The following LZTS1 variants were observed in gnomAD, a reference collection of about 807,000 sequenced individuals.
The protein encoded by LZTS1 is leucine zipper putative tumor suppressor 1.
In LZTS1, 31 loss-of-function variants were observed where a neutral mutation model predicts 45.8. The observed-to-expected ratio is 0.68, with a 90% CI of 0.51 to 0.91. The LOEUF is 0.91. Ranked by LOEUF, LZTS1 falls within the 40% of genes least tolerant of loss-of-function variation. LZTS1 has a pLI of 0.00. For synonymous variants in LZTS1, 359 were observed against 357.3 expected, an observed-to-expected ratio of 1.00 and a Z score of -0.05; for missense variants, 821 against 788.9, an observed-to-expected ratio of 1.04 and a Z score of -0.49.
chr8:20,290,217 C>T (rs543667101), intron 1 of LZTS1: 1 of 152,258 alleles, frequency 6.6e-6, no homozygotes, highest in Admixed American at 6.5e-5. Context: ...GTCATCTCAT[C>T]TCGGAAGCTA....
Position 20,247,881 on chromosome 8 carries a change from C to T in LZTS1, c.*1841G>A. ...ACGCTCCCCTCCTCATCTCAGCAGG[C>T]AGCAGGCGCAGGCATGTGGGAAGGG... is the stretch of plus-strand genomic sequence containing the variant. On this transcript the variant is annotated 3_prime_UTR_variant, in exon 4 of 4. Coordinates refer to ENST00000381569, the MANE Select transcript of LZTS1 (RefSeq NM_021020.5). The T allele has an allele frequency of 6.5e-6, 1 of 152,840 alleles. No homozygotes were observed. The highest frequency in any genetic ancestry group is 6.5e-5 in the Admixed American group (1 of 15,270). The allele number at this position is 152,840 out of a possible 1,614,324, so 9.5% of individuals were successfully genotyped here.
chr8:20,300,625 C>T (rs1019104109), intron 1 of LZTS1, among the ~76,000 whole-genome samples: 1 of 152,086 alleles, frequency 6.6e-6, no homozygotes, highest in African/African-American at 2.4e-5. Context: ...AGCCACAGCG[C>T]CCCGCCGCCA....
intron 3 of LZTS1, among the ~76,000 whole-genome samples, chr8:20,250,750 C>T (rs1439528756): frequency 6.6e-6 from 1 of 151,958 alleles, no homozygotes; most frequent in African/African-American, 2.4e-5. Context: ...AGACACCTGC[C>T]ACCATGCCTG....
At chr8:20,286,169 T>G (rs190211442) in intron 1 of LZTS1, among the ~76,000 whole-genome samples, 1 of 152,320 alleles carries the variant, frequency 6.6e-6, no homozygotes, top group Non-Finnish European at 1.5e-5. Context: ...AGAATTTTTC[T>G]TCATCAAAGG....
intron 1 of LZTS1, among the ~76,000 whole-genome samples, chr8:20,277,249 T>C (rs1358812966): frequency 6.6e-6 from 1 of 152,196 alleles, no homozygotes; most frequent in Non-Finnish European, 1.5e-5. Flanking sequence ...GCCTTGGCAG[T>C]TTACAAATGC....
Position 20,280,916 on chromosome 8 carries a change from ATTC to A in LZTS1, c.-135+22821_-135+22823del, listed in dbSNP as rs1269869619. ...ACCTTCTACCTCCTCTCTAGGCTGA[ATTC>A]TTCTCTAACCAGCCAGGTCTAGGCT... On this transcript the variant is annotated intron_variant, in intron 1 of 3. Coordinates refer to ENST00000381569, the MANE Select transcript of LZTS1 (RefSeq NM_021020.5). Among the ~76,000 whole-genome samples the A allele has an allele frequency of 2.6e-4, 39 of 152,268 alleles. No homozygotes were observed. In the East Asian group the frequency reaches 7.6e-3, roughly 29 times the overall value.
chr8:20,255,191 G>A lies in LZTS1; in HGVS notation c.-10C>T. On this transcript the variant is annotated 5_prime_UTR_variant, in exon 2 of 4. Coordinates refer to ENST00000381569, the MANE Select transcript of LZTS1 (RefSeq NM_021020.5). ...TACTGACGCTGCCCATGGTGACTCG[G>A]GGCTGAGGATGGGGCAGGGCCGGGC... 1 of 1,606,738 alleles carries A rather than the reference G, an allele frequency of 6.2e-7. No individual in the cohort carries two copies. The highest frequency in any genetic ancestry group is 1.7e-5 in the Admixed American group (1 of 59,836).
intron 1 of LZTS1, among the ~76,000 whole-genome samples, chr8:20,256,206 G>C (rs573262810): frequency 1.3e-5 from 2 of 152,112 alleles, no homozygotes; most frequent in South Asian, 4.1e-4. Flanking sequence ...GGCTGTGTGA[G>C]ACCCACATGG....
chr8:20,276,582 C>G (rs993843216), intron 1 of LZTS1, among the ~76,000 whole-genome samples: 2 of 152,198 alleles, frequency 1.3e-5, no homozygotes, highest in African/African-American at 4.8e-5. Context: ...TCATCTGTAT[C>G]CTTTGTAATA....
chr8:20,265,676 CAAAA>C (rs71222140), intron 1 of LZTS1, among the ~76,000 whole-genome samples: 1 of 42,996 alleles, frequency 2.3e-5, no homozygotes, highest in Non-Finnish European at 3.9e-5. Context: ...GACTCTGTCT[CAAAA>C]AAAAAAAAAA....
intron 1 of LZTS1, among the ~76,000 whole-genome samples, chr8:20,283,650 G>A (rs1306404253): frequency 6.6e-6 from 1 of 152,138 alleles, no homozygotes; most frequent in Admixed American, 6.5e-5. Flanking sequence ...TTGTTCTGGG[G>A]AGACAGATGG....
chr8:20,253,485 A>C lies in LZTS1; in HGVS notation c.446T>G (p.Leu149Arg). The C allele has an allele frequency of 6.3e-7, 1 of 1,599,076 alleles. No individual in the cohort carries two copies. The highest frequency in any genetic ancestry group is 1.3e-5 in the African/African-American group (1 of 74,884). The part of the protein sequence containing the change: ...HSSPESASHQ[L>R]HPAPPDKPKE... ...GGGCTTGTCTGGAGGGGCGGGGTGC[A>C]GCTGGTGGCTGGCACTCTCCGGGGA... Residue 149 changes from leucine (L) to arginine (R), a missense_variant, in exon 3 of 4, where the codon CTG (leucine) becomes CGG (arginine). Coordinates refer to ENST00000381569, the MANE Select transcript of LZTS1 (RefSeq NM_021020.5).
At chr8:20,303,396 C>G (rs114769971) in intron 1 of LZTS1, among the ~76,000 whole-genome samples, 1 of 152,134 alleles carries the variant, frequency 6.6e-6, no homozygotes, top group Non-Finnish European at 1.5e-5. Context: ...TCTTCACCTC[C>G]GACACCAGTG....
intron 1 of LZTS1, among the ~76,000 whole-genome samples, chr8:20,293,210 G>T (rs147591524): frequency 4.6e-5 from 7 of 152,024 alleles, no homozygotes; most frequent in African/African-American, 1.2e-4. Context: ...CTAAAACCAG[G>T]GTCTGCTCTA....
At chr8:20,303,332 G>A (rs1359971648) in intron 1 of LZTS1, among the ~76,000 whole-genome samples, 2 of 152,108 alleles carry the variant, frequency 1.3e-5, no homozygotes, top group Admixed American at 1.3e-4. Flanking sequence ...ACCGACCGCC[G>A]GACCCTCTTC....
chr8:20,255,421 C>T, intron 1 of LZTS1, 106 bp from the exon 2 acceptor site: 2 of 725,232 alleles, frequency 2.8e-6, no homozygotes, highest in Non-Finnish European at 4.2e-6. Context: ...TGTCAGAGCC[C>T]AGCACTGTCT....
chr8:20,252,764 AGCC>A lies in LZTS1; in HGVS notation c.1149+15_1149+17del. ...AAACCGCTGACCACCCAAACCCATG[AGCC>A]CTGTGTGGCCTCACCTCCCACTGGG... On this transcript the variant is annotated intron_variant, in intron 3 of 3. Transcript: ENST00000381569. 6.7e-7 allele frequency: 1 copy of A among 1,502,086 alleles called. No individual in the cohort carries two copies. Among genetic ancestry groups the A allele is most frequent in the Non-Finnish European group, 8.9e-7 (1 of 1,125,464 alleles). The allele number at this position is 1,502,086 out of a possible 1,614,324, so 93.0% of individuals were successfully genotyped here.
chr8:20,271,333 G>A (rs1159549712), intron 1 of LZTS1, among the ~76,000 whole-genome samples: 2 of 152,066 alleles, frequency 1.3e-5, no homozygotes, highest in Non-Finnish European at 2.9e-5. Context: ...CCACTCTCCT[G>A]GAGTCTGTGG....
In LZTS1 at chr8:20,298,734, T is replaced by C. The variant is rs542265202; in HGVS notation, c.-135+5006A>G. 5.3e-5 allele frequency among the ~76,000 whole-genome samples: 8 copies of C among 152,302 alleles called. 1 individual carries two copies. The South Asian group carries it at 1.7e-3, about 32-fold the overall frequency. The stretch of plus-strand genomic sequence containing the variant: ...AAACAATTAGCCAGGTGTGTTGGTA[T>C]GCACTTGTGGTCCCAGCTACTTGGG... On this transcript the variant is annotated intron_variant, in intron 1 of 3. Transcript: ENST00000381569.
Sources: allele counts gnomAD v4.1 joint callset (sites outside exome capture counted in the v4.1 genomes callset), GRCh38; gene constraint gnomAD v4.1.1; transcripts MANE v1.5; gene names NCBI Gene and HGNC (gene_info 2026-07-23, HGNC 2026-07-21).